The following FAM149A variants were observed in gnomAD, a reference collection of about 807,000 sequenced individuals.
FAM149A encodes family with sequence similarity 149 member A.
In FAM149A, 71 loss-of-function variants were observed where a neutral mutation model predicts 78.2. The observed-to-expected ratio is 0.91, with a 90% CI of 0.75 to 1.11. The LOEUF (loss-of-function observed/expected upper bound fraction) is 1.11. FAM149A is among the 50% of genes least tolerant of loss of function. FAM149A has a pLI of 0.00. For missense variants in FAM149A, 1,036 were observed against 971.0 expected, an observed-to-expected ratio of 1.07 and a Z score of -0.89; for synonymous variants, 446 against 410.5, an observed-to-expected ratio of 1.09 and a Z score of -1.04.
At chr4:186,163,256 A>T (rs1365796236) in intron 9 of FAM149A, among the ~76,000 whole-genome samples, 168 bp from the exon 10 acceptor site, 1 of 152,212 alleles carries the variant, frequency 6.6e-6, no homozygotes, top group Non-Finnish European at 1.5e-5. Context: ...ATGATTCTTC[A>T]TTGAAACAGA....
In FAM149A at chr4:186,167,214, C is replaced by G; in HGVS notation, c.2170C>G (p.Gln724Glu). The G allele has an allele frequency of 6.2e-7, 1 of 1,611,504 alleles. No individual in the cohort carries two copies. Among genetic ancestry groups the G allele is most frequent in the East Asian group, 2.2e-5 (1 of 44,800 alleles). Residue 724 changes from glutamine to glutamate, a missense_variant, in exon 13 of 14, where the codon CAA (glutamine) becomes GAA (glutamate). Physicochemically the swap from Gln to Glu is conservative, Grantham distance 29. This residue lies in a region of FAM149A where 716 missense variants were observed against 711.8 expected (regional missense o/e 1.01). Coordinates refer to ENST00000389354, the MANE Select transcript of FAM149A (RefSeq NM_001367768.3). Reference sequence around the variant, plus strand: ...TACGCCTCGAAAAAGTTCATTGACACAAATGGAATTTGCTGCTCACACATG... The same window carrying G: ...TACGCCTCGAAAAAGTTCATTGACAGAAATGGAATTTGCTGCTCACACATG...
At chr4:186,149,479 A>G (rs1733302571) in intron 2 of FAM149A, 87 bp from the exon 3 acceptor site, 1 of 1,210,388 alleles carries the variant, frequency 8.3e-7, no homozygotes, top group East Asian at 5.7e-5. Flanking sequence ...TGAAAGAAAG[A>G]GGAAGCAGGC....
Position 186,169,335 on chromosome 4 carries a change from A to G in FAM149A, c.2218+2073A>G, listed in dbSNP as rs895213128. 1.4e-5 allele frequency: 14 copies of G among 985,468 alleles called. No individual in the cohort carries two copies. In the African/African-American group the frequency reaches 2.3e-4, roughly 16 times the overall value. 61.0% of individuals were successfully genotyped at this position (985,468 alleles called of 1,614,324 possible). A position where few individuals can be genotyped will look rare whatever the true frequency, so the allele number is the denominator to read the frequency against. ...CAAGGCCCCTGATCTCACGACGTAG[A>G]GAGAACGCGGCTCAAAGGCGTGACC... On this transcript the variant is annotated intron_variant, in intron 13 of 13. Coordinates refer to ENST00000389354, the MANE Select transcript of FAM149A (RefSeq NM_001367768.3).
At chr4:186,163,103 C>T (rs1395222252) in intron 9 of FAM149A, among the ~76,000 whole-genome samples, 155 bp downstream of exon 9, 1 of 152,106 alleles carries the variant, frequency 6.6e-6, no homozygotes, top group Non-Finnish European at 1.5e-5. Flanking sequence ...GAAACAGACC[C>T]TTTAGTACCA....
intron 1 of FAM149A, among the ~76,000 whole-genome samples, chr4:186,134,710 T>C (rs1340687101): frequency 2.0e-5 from 3 of 152,196 alleles, no homozygotes; most frequent in African/African-American, 7.2e-5. Flanking sequence ...TTAAAGCTGT[T>C]GAGGGAAAGC....
intron 1 of FAM149A, chr4:186,125,807 T>G (rs1433458532): frequency 1.0e-6 from 1 of 985,104 alleles, no homozygotes; most frequent in African/African-American, 1.8e-5. Flanking sequence ...ACCCAACCGT[T>G]TGGAAGGGAG....
In FAM149A at chr4:186,105,123, T is replaced by C. The variant is rs2099308224; in HGVS notation, c.47T>C (p.Phe16Ser). Residue 16 changes from phenylalanine to serine, a missense_variant, in exon 1 of 14, where the codon TTC becomes TCC. By Grantham distance (155) the Phe-to-Ser change is radical. Transcript: ENST00000389354. ...CTTGGGTCTCTCTTGGCCAAACTCT[T>C]CGAGACCTCGACGGCGCCCCCCGCA... The C allele has an allele frequency of 7.8e-7, 1 of 1,280,584 alleles. No individual in the cohort carries two copies. Among genetic ancestry groups the C allele is most frequent in the Admixed American group, 2.3e-5 (1 of 43,222 alleles). The allele number at this position is 1,280,584 out of a possible 1,614,324, so 79.3% of individuals were successfully genotyped here.
intron 1 of FAM149A, among the ~76,000 whole-genome samples, chr4:186,140,646 C>A (rs541866073): frequency 6.6e-6 from 1 of 152,068 alleles, no homozygotes; most frequent in Admixed American, 6.5e-5. Context: ...GAATTGAGGT[C>A]TCCCATTTAA....
rs772335644 is a variant in FAM149A at position 186,153,633 on chromosome 4, T to A, written c.933-12T>A. On this transcript the variant is annotated splice_polypyrimidine_tract_variant and intron_variant, in intron 4 of 13. Coordinates refer to ENST00000389354, the MANE Select transcript of FAM149A (RefSeq NM_001367768.3). ...GATCAAAAATGTCAGTAGCTTCTCT[T>A]TGACCTCGCAGAGTATTAGGAAGAC... 1 of 1,604,220 alleles carries A rather than the reference T, an allele frequency of 6.2e-7. No homozygotes were observed. Among genetic ancestry groups the A allele is most frequent in the East Asian group, 2.2e-5 (1 of 44,644 alleles).
chr4:186,160,265 A>ACC (rs1169790692), intron 8 of FAM149A, among the ~76,000 whole-genome samples: 1 of 141,994 alleles, frequency 7.0e-6, no homozygotes, highest in Non-Finnish European at 1.5e-5. Flanking sequence ...CACTGCACAC[A>ACC]CCCGACACAA....
chr4:186,161,973 C>G (rs1344074762), intron 8 of FAM149A, among the ~76,000 whole-genome samples: 2 of 152,210 alleles, frequency 1.3e-5, no homozygotes, highest in Non-Finnish European at 2.9e-5. Context: ...CACAGGTATA[C>G]ATGTGCCATG....
At chr4:186,156,335 T>C (rs1734032279) in intron 7 of FAM149A, 145 bp downstream of exon 7, 3 of 610,644 alleles carry the variant, frequency 4.9e-6, no homozygotes, top group East Asian at 5.7e-5. Flanking sequence ...GAGTGCTCTT[T>C]AGTCCCTTCA....
Position 186,164,791 on chromosome 4 carries a change from C to G in FAM149A, c.1890-553C>G, listed in dbSNP as rs2241818. Among the ~76,000 whole-genome samples, 23,163 of 152,178 alleles carry G rather than the reference C, an allele frequency of 0.15. 2,078 individuals carry two copies. Among genetic ancestry groups the G allele is most frequent in the East Asian group, 0.3 (1,544 of 5,160 alleles). ...GATGCCACTAACTGTACAAATCCCT[C>G]TGTGTTCTGACCCCTCCCTCCCTGT... On this transcript the variant is annotated intron_variant, in intron 10 of 13. Transcript: ENST00000389354. The surrounding 1 kb of genome is among the most constrained non-coding windows in gnomAD (Gnocchi z 4.0).
chr4:186,116,253 C>T (rs549240175), intron 1 of FAM149A: 4 of 151,904 alleles, frequency 2.6e-5, no homozygotes, highest in Admixed American at 1.4e-4. Context: ...TGCTTCGGCT[C>T]GCGCACGGTG....
chr4:186,157,042 T>G (rs1342214760), intron 7 of FAM149A, among the ~76,000 whole-genome samples: 1 of 152,242 alleles, frequency 6.6e-6, no homozygotes, highest in Non-Finnish European at 1.5e-5. Context: ...TTTGTTATAG[T>G]AAAAATAATT....
intron 13 of FAM149A, 102 bp from the exon 14 acceptor site, chr4:186,171,812 T>A (rs1305941621): frequency 1.0e-5 from 8 of 762,990 alleles, no homozygotes; most frequent in Non-Finnish European, 1.5e-5. Flanking sequence ...TAAAATAAAA[T>A]ATATATTTTA....
rs184629890 is a variant in FAM149A at position 186,153,785 on chromosome 4, G to A, written c.1058+15G>A. The A allele has an allele frequency of 3.2e-6, 5 of 1,586,480 alleles. No homozygotes were observed. Among genetic ancestry groups the A allele is most frequent in the African/African-American group, 1.3e-5 (1 of 74,358 alleles). ...AACATCAGAGAGTATGTTCAGATAA[G>A]TGACTCTCAAAAAGTATTGTTAGCT... On this transcript the variant is annotated intron_variant, in intron 5 of 13. Coordinates refer to ENST00000389354, the MANE Select transcript of FAM149A (RefSeq NM_001367768.3).
At position 186,165,355 on chromosome 4, in the gene FAM149A, T is replaced by A; in HGVS notation, c.1901T>A (p.Val634Glu). The A allele has an allele frequency of 6.2e-7, 1 of 1,614,206 alleles. No homozygotes were observed. The change falls in exon 11 of 14, where the codon GTG becomes GAG. Residue 634 changes from valine (V) to glutamate (E), a missense_variant. This residue lies in a region of FAM149A where 716 missense variants were observed against 711.8 expected (regional missense o/e 1.01). Coordinates refer to ENST00000389354, the MANE Select transcript of FAM149A (RefSeq NM_001367768.3). ...ATGATGTGTTGCAGGCCGACTGGCG[T>A]GGACCACATGGCTTCCCCACTGGTT...
chr4:186,157,040 A>G (rs2126494962), intron 7 of FAM149A, among the ~76,000 whole-genome samples: 1 of 152,382 alleles, frequency 6.6e-6, no homozygotes, highest in East Asian at 1.9e-4. Flanking sequence ...TTTTTGTTAT[A>G]GTAAAAATAA....
Sources: gnomAD v4.1 joint callset for allele counts (sites outside exome capture counted in the v4.1 genomes callset) on GRCh38, gnomAD v4.1.1 for gene constraint, gnomAD v4.1.1 regional missense constraint, Gnocchi (gnomAD v3.1) non-coding constraint, MANE v1.5 for transcripts, NCBI Gene and HGNC (gene_info 2026-07-23, HGNC 2026-07-21) for gene names.